The following FAM216A variants were observed in gnomAD, a reference collection of about 807,000 sequenced individuals.
The protein encoded by FAM216A is protein FAM216A.
FAM216A carries 26 observed loss-of-function variants against 37.6 expected under a neutral mutation model. The ratio of observed to expected loss-of-function variants is 0.69; its 90% CI spans 0.51 to 0.96. The LOEUF (loss-of-function observed/expected upper bound fraction) is 0.96. Among genes scored for constraint, FAM216A ranks in the 40% least tolerant of loss-of-function variants. FAM216A has a pLI of 0.00. For synonymous variants in FAM216A, 110 were observed against 121.7 expected (o/e 0.90, Z 0.64); for missense variants, 326 against 339.3 (o/e 0.96, Z 0.31).
At chr12:110,474,381 CAA>C (rs983808197) in intron 2 of FAM216A, among the ~76,000 whole-genome samples, 1 of 151,848 alleles carries the variant, frequency 6.6e-6, no homozygotes, top group Non-Finnish European at 1.5e-5. Flanking sequence ...GGCAATATGT[CAA>C]AGTGTTTTAA....
At position 110,474,932 on chromosome 12, in the gene FAM216A, C is replaced by T. The variant is rs182453759; in HGVS notation, c.184+1814C>T. Among the ~76,000 whole-genome samples, 408 of 151,396 alleles carry T rather than the reference C, an allele frequency of 2.7e-3. 1 individual carries two copies. The highest frequency in any genetic ancestry group is 9.4e-3 in the African/African-American group (386 of 41,260). ...GCTTGAACCTGGGAGGCAGAGGTTG[C>T]GGTGAGCCGAGATCGCGCCATTGAA... On this transcript the variant is annotated intron_variant, in intron 2 of 6. Coordinates refer to ENST00000377673, the MANE Select transcript of FAM216A (RefSeq NM_013300.3).
chr12:110,472,499 C>T (rs907760852), intron 1 of FAM216A, among the ~76,000 whole-genome samples: 1 of 151,686 alleles, frequency 6.6e-6, no homozygotes, highest in African/African-American at 2.4e-5. Context: ...TTTGAGGCTG[C>T]GGTGGGCTAT....
At position 110,485,079 on chromosome 12, in the gene FAM216A, T is replaced by TACAA; in HGVS notation, c.187_188insCAAA (p.Arg63ThrfsTer15). ...TTCACATGATGTCTTTGCCTACAGATAGAATCAAAGATGGATACAAAGTGA... is the reference window on the plus strand; with the variant it reads ...TTCACATGATGTCTTTGCCTACAGATACAAAGAATCAAAGATGGATACAAAGTGA... On this transcript the variant is annotated frameshift_variant and splice_region_variant, in exon 3 of 7. Transcript: ENST00000377673. LOFTEE classifies it high-confidence loss of function. The TACAA allele has an allele frequency of 6.2e-7, 1 of 1,602,826 alleles. No individual in the cohort carries two copies. Among genetic ancestry groups the TACAA allele is most frequent in the Middle Eastern group, 1.7e-4 (1 of 6,000 alleles).
chr12:110,478,606 G>C (rs1297466924), intron 2 of FAM216A, among the ~76,000 whole-genome samples: 2 of 152,068 alleles, frequency 1.3e-5, no homozygotes, highest in African/African-American at 4.8e-5. Flanking sequence ...AAGATGAAGA[G>C]AGCCACATGT....
upstream of FAM216A, chr12:110,468,536 T>G: frequency 6.5e-7 from 1 of 1,537,318 alleles, no homozygotes; most frequent in Non-Finnish European, 8.7e-7. Flanking sequence ...GTCCGTGGTT[T>G]GCGTGCAGAC....
At chr12:110,473,267 AGTAGTGCGATCT>A in intron 2 of FAM216A, 149 bp downstream of exon 2, 1 of 379,022 alleles carries the variant, frequency 2.6e-6, no homozygotes, top group Non-Finnish European at 5.1e-6. Context: ...GCTGGAGTGC[AGTAGTGCGATCT>A]GGGCTCACTG....
intron 5 of FAM216A, chr12:110,487,006 C>T (rs2062781235): frequency 6.2e-6 from 2 of 323,032 alleles, no homozygotes; most frequent in Non-Finnish European, 1.1e-5. Flanking sequence ...ACTGGGATTA[C>T]AGGCGTGAGC....
At chr12:110,468,825 C>T (rs1344436492), upstream of FAM216A, 4 of 1,464,752 alleles carry the variant, frequency 2.7e-6, no homozygotes, top group South Asian at 2.7e-5. Context: ...GCATCCGAGC[C>T]GCCTCTCCGG....
At chr12:110,477,346 T>A (rs1302529538) in intron 2 of FAM216A, among the ~76,000 whole-genome samples, 2 of 152,176 alleles carry the variant, frequency 1.3e-5, no homozygotes, top group Non-Finnish European at 2.9e-5. Context: ...TCATCCATTC[T>A]TTTATTTATT....
In FAM216A at chr12:110,468,978, G is replaced by C. The variant is rs12230101; in HGVS notation, c.103G>C (p.Glu35Gln). Residue 35 changes from glutamate (E) to glutamine (Q), a missense_variant, in exon 1 of 7, where the codon GAG (glutamate) becomes CAG (glutamine). Transcript: ENST00000377673. ...SDWTERSSSA[E>Q]PPAVAGTEGG... ...CTGGACGGAGCGTAGCTCTTCTGCAGAGCCGCCCGCTGTGGCCGGGACCGA... is the reference window on the plus strand; with the variant it reads ...CTGGACGGAGCGTAGCTCTTCTGCACAGCCGCCCGCTGTGGCCGGGACCGA... 8 of 1,511,758 alleles carry C rather than the reference G, an allele frequency of 5.3e-6. No individual in the cohort carries two copies. The highest frequency in any genetic ancestry group is 7.1e-6 in the Non-Finnish European group (8 of 1,131,462). The allele number at this position is 1,511,758 out of a possible 1,614,324, so 93.6% of individuals were successfully genotyped here.
At chr12:110,487,662 G>T in intron 5 of FAM216A, 199 bp from the exon 6 acceptor site, 2 of 560,676 alleles carry the variant, frequency 3.6e-6, no homozygotes, top group Non-Finnish European at 6.3e-6. Context: ...AGAGGAAAAA[G>T]ATTAAGCAGC....
chr12:110,473,213 T>C, intron 2 of FAM216A, 95 bp downstream of exon 2: 3 of 601,368 alleles, frequency 5.0e-6, no homozygotes, highest in Non-Finnish European at 5.6e-6. Flanking sequence ...AGTTTTTTTC[T>C]TTTTTCTTTT....
At chr12:110,474,987 C>T (rs1336576328) in intron 2 of FAM216A, among the ~76,000 whole-genome samples, 4 of 150,602 alleles carry the variant, frequency 2.7e-5, no homozygotes, top group Non-Finnish European at 5.9e-5. Flanking sequence ...AGTGAAACTC[C>T]ATCTCAAAAA....
intron 2 of FAM216A, among the ~76,000 whole-genome samples, chr12:110,476,566 G>A (rs1450827979): frequency 2.7e-5 from 4 of 148,912 alleles, no homozygotes; most frequent in African/African-American, 7.4e-5. Context: ...TCACTCTGTC[G>A]CCCAGGCTGG....
intron 1 of FAM216A, 46 bp from the exon 2 acceptor site, chr12:110,473,032 C>T: frequency 4.0e-6 from 2 of 497,930 alleles, no homozygotes; most frequent in Non-Finnish European, 7.0e-6. Flanking sequence ...GTGCTTGTAA[C>T]ATTGTAATTA....
chr12:110,472,531 C>T (rs1329702263), intron 1 of FAM216A, among the ~76,000 whole-genome samples: 1 of 151,742 alleles, frequency 6.6e-6, no homozygotes, highest in Non-Finnish European at 1.5e-5. Flanking sequence ...TGCACTCTAG[C>T]CTGGGTGAAG....
intron 2 of FAM216A, among the ~76,000 whole-genome samples, chr12:110,483,377 T>C (rs1335831610): frequency 6.6e-6 from 1 of 152,106 alleles, no homozygotes; most frequent in African/African-American, 2.4e-5. Flanking sequence ...CAGAGACTAT[T>C]TTTCCCAAAA....
intron 2 of FAM216A, among the ~76,000 whole-genome samples, chr12:110,474,933 G>C (rs1205739638): frequency 6.6e-6 from 1 of 151,568 alleles, no homozygotes; most frequent in East Asian, 1.9e-4. Flanking sequence ...CAGAGGTTGC[G>C]GTGAGCCGAG....
chr12:110,483,108 G>A (rs1461028947), intron 2 of FAM216A, among the ~76,000 whole-genome samples: 1 of 150,754 alleles, frequency 6.6e-6, no homozygotes, highest in Non-Finnish European at 1.5e-5. Flanking sequence ...GGCAGATCAC[G>A]AGGTCAGGAG....
Sources: allele counts gnomAD v4.1 joint callset (sites outside exome capture counted in the v4.1 genomes callset), GRCh38; gene constraint gnomAD v4.1.1; transcripts MANE v1.5; gene names NCBI Gene and HGNC (gene_info 2026-07-23, HGNC 2026-07-21).